Variants in TM9SF1 observed in about 807,000 individuals in gnomAD.
The protein encoded by TM9SF1 is transmembrane 9 superfamily member 1.
Under a neutral mutation model 52.4 loss-of-function variants are expected in TM9SF1, and 25 were observed. The ratio of observed to expected loss-of-function variants is 0.48; its 90% confidence interval spans 0.35 to 0.67. The LOEUF (loss-of-function observed/expected upper bound fraction) is 0.67. Among genes scored for constraint, TM9SF1 ranks in the 30% least tolerant of loss-of-function variants. TM9SF1 has a pLI of 0.01. For missense variants in TM9SF1, 604 were observed against 780.3 expected (o/e 0.77, Z 2.69); for synonymous variants, 284 against 299.8 (o/e 0.95, Z 0.55).
rs1341734588 is a variant in TM9SF1 at position 24,192,277 on chromosome 14, A to AT, written c.1046dup (p.Tyr349Ter). The AT allele has an allele frequency of 6.2e-7, 1 of 1,614,092 alleles. No individual in the cohort carries two copies. Among genetic ancestry groups the AT allele is most frequent in the Non-Finnish European group, 8.5e-7 (1 of 1,180,042 alleles). Residue 349 changes from tyrosine (Y) to a stop codon, truncating the protein, a stop_gained and frameshift_variant, in exon 4 of 6, where the codon TAT becomes TAAT. Coordinates refer to ENST00000261789, the MANE Select transcript of TM9SF1 (RefSeq NM_006405.7). LOFTEE classifies it high-confidence loss of function. This position sits in a 1 kb window ranked among gnomAD's most constrained non-coding sequence, Gnocchi z 4.0. ...GAINSAAILL[Y>*]ALTCCISGYV... is the part of the protein sequence containing the mutation. ...AGCCAGAGATGCAGCAGGTCAGGGC[A>AT]TACAACAAGATGGCTGCTGAGTTAA...
Position 24,194,985 on chromosome 14 carries a change from C to T in TM9SF1, c.35G>A (p.Cys12Tyr), listed in dbSNP as rs1166957583. The T allele has an allele frequency of 6.2e-7, 1 of 1,614,100 alleles. No homozygotes were observed. Among genetic ancestry groups the T allele is most frequent in the Middle Eastern group, 1.6e-4 (1 of 6,062 alleles). ...TVVGNPRSWS[C>Y]QWLPILILLL... Reference sequence around the variant, plus strand: ...CAGTATCAGGATTGGCAACCACTGGCAGCTCCAACTTCGAGGGTTCCCTAC... The same window carrying T: ...CAGTATCAGGATTGGCAACCACTGGTAGCTCCAACTTCGAGGGTTCCCTAC... The change falls in exon 2 of 6, where the codon TGC (cysteine) becomes TAC (tyrosine). Residue 12 changes from cysteine to tyrosine, a missense_variant. Cys to Tyr is a radical substitution (Grantham distance 194, BLOSUM62 -2). Around this residue, in one of 3 missense-constraint regions of TM9SF1, gnomAD observed 47 missense variants for 39.7 expected, o/e 1.18. Coordinates refer to ENST00000261789, the MANE Select transcript of TM9SF1 (RefSeq NM_006405.7).
chr14:24,190,257 A>G (rs1162456045), intron 5 of TM9SF1, 123 bp downstream of exon 5: 2 of 1,498,972 alleles, frequency 1.3e-6, no homozygotes, highest in Non-Finnish European at 1.8e-6. Flanking sequence ...CCATTTAATG[A>G]TCTCTGAATG....
rs540506837 is a variant in TM9SF1, at chr14:24,192,115, A to G, written c.1153+56T>C. ...GTGTGAGCCACTGTGACCAGCCACA[A>G]TGTGTTCTTCATTCCTAAGTCCAGA... On this transcript the variant is annotated intron_variant, in intron 4 of 5. Coordinates refer to ENST00000261789, the MANE Select transcript of TM9SF1 (RefSeq NM_006405.7). The surrounding 1 kb of genome is among the most constrained non-coding windows in gnomAD (Gnocchi z 4.0). 6.4e-6 allele frequency: 10 copies of G among 1,562,284 alleles called. No individual in the cohort carries two copies. The African/African-American group carries it at 1.1e-4, about 17-fold the overall frequency.
chr14:24,193,054 G>T lies in TM9SF1; in HGVS notation c.561C>A (p.His187Gln), dbSNP rs924688064. The T allele has an allele frequency of 6.2e-7, 1 of 1,614,212 alleles. No homozygotes were observed. Among genetic ancestry groups the T allele is most frequent in the Non-Finnish European group, 8.5e-7 (1 of 1,180,034 alleles). The change falls in exon 3 of 6, where the codon CAC becomes CAA. Residue 187 changes from histidine (H) to glutamine (Q), a missense_variant. This residue lies in a region of TM9SF1 where 450 missense variants were observed against 560.1 expected (regional missense o/e 0.80). Transcript: ENST00000261789. The part of the protein sequence containing the change: ...ANVSVRDVKP[H>Q]SLDGLRPDEF... ...CGTCAGGTCGTAACCCATCCAAGCT[G>T]TGGGGCTTGACGTCCCGCACTGAAA...
At position 24,193,025 on chromosome 14, in the gene TM9SF1, A is replaced by T; in HGVS notation, c.590T>A (p.Phe197Tyr). The change falls in exon 3 of 6, where the codon TTC (phenylalanine) becomes TAC (tyrosine). Residue 197 changes from phenylalanine (F) to tyrosine (Y), a missense_variant. Phe to Tyr is a conservative substitution (Grantham distance 22). This residue lies in a region of TM9SF1 where 450 missense variants were observed against 560.1 expected (regional missense o/e 0.80). Coordinates refer to ENST00000261789, the MANE Select transcript of TM9SF1 (RefSeq NM_006405.7). The stretch of plus-strand genomic sequence containing the variant: ...GCTATAAGTGTGGGTAAGGCCTAGG[A>T]ACTCGTCAGGTCGTAACCCATCCAA... ...HSLDGLRPDE[F>Y]LGLTHTYSVR... is the part of the protein sequence containing the mutation. The T allele has an allele frequency of 6.2e-7, 1 of 1,614,192 alleles. No individual in the cohort carries two copies.
At chr14:24,191,003 C>T (rs61672716) in intron 4 of TM9SF1, among the ~76,000 whole-genome samples, 1 of 151,872 alleles carries the variant, frequency 6.6e-6, no homozygotes, top group African/African-American at 2.4e-5. Context: ...GTAGCTAGGA[C>T]TACAGGCGCC....
At chr14:24,189,832 C>T in intron 5 of TM9SF1, 24 bp from the exon 6 acceptor site, 4 of 1,582,360 alleles carry the variant, frequency 2.5e-6, no homozygotes, top group Non-Finnish European at 3.4e-6. Flanking sequence ...AGATGATACA[C>T]AGCATTAAAG....
In TM9SF1 at chr14:24,192,413, T is replaced by A. The variant is rs2138832478; in HGVS notation, c.968-57A>T. 2.6e-6 allele frequency: 4 copies of A among 1,565,828 alleles called. No homozygotes were observed. In the East Asian group the frequency reaches 9.2e-5, roughly 36 times the overall value. ...GCCTCACCTGTGTCTCTTCTAGCAA[T>A]TTCAGAGGAATCAGCCCCCCTTCTC... On this transcript the variant is annotated intron_variant, in intron 3 of 5. Transcript: ENST00000261789. This position sits in a 1 kb window ranked among gnomAD's most constrained non-coding sequence, Gnocchi z 4.0.
chr14:24,193,738 G>A lies in TM9SF1; in HGVS notation c.346-469C>T, dbSNP rs563186910. Among the ~76,000 whole-genome samples the A allele has an allele frequency of 5.9e-3, 886 of 150,490 alleles. 5 individuals carry two copies. The highest frequency in any genetic ancestry group is 0.031 in the Middle Eastern group (9 of 294). On this transcript the variant is annotated intron_variant, in intron 2 of 5. Coordinates refer to ENST00000261789, the MANE Select transcript of TM9SF1 (RefSeq NM_006405.7). ...GATCGAGACCATCCTGGCTAACACG[G>A]TGAAACCCCGTCTCTACTAAAAATA...
Position 24,189,657 on chromosome 14 carries a change from C to T in TM9SF1, c.1579G>A (p.Glu527Lys). ...IALTYFQLSG[E>K]DYRWWWRSVL... ...GATCGCCACCACCAGCGGTAATCCTCCCCAGACAACTGGAAGTAGGTGAGT... is the reference window on the plus strand; with the variant it reads ...GATCGCCACCACCAGCGGTAATCCTTCCCAGACAACTGGAAGTAGGTGAGT... The change falls in exon 6 of 6, where the codon GAG becomes AAG. Residue 527 changes from glutamate (E) to lysine (K), a missense_variant. Glu to Lys is a moderately conservative substitution (Grantham distance 56). Around this residue, in one of 3 missense-constraint regions of TM9SF1, gnomAD observed 107 missense variants for 180.5 expected, o/e 0.59. Coordinates refer to ENST00000261789, the MANE Select transcript of TM9SF1 (RefSeq NM_006405.7). The T allele has an allele frequency of 1.2e-6, 2 of 1,614,188 alleles. No homozygotes were observed. The highest frequency in any genetic ancestry group is 1.7e-6 in the Non-Finnish European group (2 of 1,180,034).
chr14:24,189,219 A>G lies in TM9SF1; in HGVS notation c.*196T>C. On this transcript the variant is annotated 3_prime_UTR_variant, in exon 6 of 6. Transcript: ENST00000261789. ...AGGACCAAAACTAAAGGCAACTTAA[A>G]AAGTTCAAATATATAATCCTTATGT... 2 of 542,016 alleles carry G rather than the reference A, an allele frequency of 3.7e-6. No individual in the cohort carries two copies. Among genetic ancestry groups the G allele is most frequent in the Non-Finnish European group, 6.2e-6 (2 of 321,974 alleles). 33.6% of individuals were successfully genotyped at this position (542,016 alleles called of 1,614,324 possible). A position where few individuals can be genotyped will look rare whatever the true frequency, so the allele number is the denominator to read the frequency against.
chr14:24,192,081 G>T lies in TM9SF1; in HGVS notation c.1153+90C>A. On this transcript the variant is annotated intron_variant, in intron 4 of 5. Coordinates refer to ENST00000261789, the MANE Select transcript of TM9SF1 (RefSeq NM_006405.7). The surrounding 1 kb of genome is among the most constrained non-coding windows in gnomAD (Gnocchi z 4.0). The stretch of plus-strand genomic sequence containing the variant: ...CCGGCCTCGGTCTCCCAAAGTGCTA[G>T]GATTACAGGTGTGAGCCACTGTGAC... 7.4e-7 allele frequency: 1 copy of T among 1,352,786 alleles called. No homozygotes were observed. Among genetic ancestry groups the T allele is most frequent in the Non-Finnish European group, 1.1e-6 (1 of 951,370 alleles). The allele number at this position is 1,352,786 out of a possible 1,614,324, so 83.8% of individuals were successfully genotyped here.
Position 24,192,114 on chromosome 14 carries a change from A to G in TM9SF1, c.1153+57T>C. ...GGTGTGAGCCACTGTGACCAGCCAC[A>G]ATGTGTTCTTCATTCCTAAGTCCAG... On this transcript the variant is annotated intron_variant, in intron 4 of 5. Transcript: ENST00000261789. This position sits in a 1 kb window ranked among gnomAD's most constrained non-coding sequence, Gnocchi z 4.0. 1 of 1,559,466 alleles carries G rather than the reference A, an allele frequency of 6.4e-7. No homozygotes were observed. The highest frequency in any genetic ancestry group is 1.1e-5 in the South Asian group (1 of 89,708).
At chr14:24,191,135 G>A (rs1000173037) in intron 4 of TM9SF1, among the ~76,000 whole-genome samples, 2 of 152,118 alleles carry the variant, frequency 1.3e-5, no homozygotes, top group African/African-American at 4.8e-5. Context: ...AAAGTGCTGG[G>A]ATTACAGGCA....
At chr14:24,191,491 A>T (rs2039322500) in intron 4 of TM9SF1, among the ~76,000 whole-genome samples, 1 of 152,238 alleles carries the variant, frequency 6.6e-6, no homozygotes, top group Admixed American at 6.5e-5. Context: ...ATAAAAATTC[A>T]AGGGTGTTAT....
chr14:24,192,160 A>G lies in TM9SF1; in HGVS notation c.1153+11T>C. ...TCCAGAAAGGCCCACCAGGGAAAGG[A>G]AAGTCCTCACCAGAGAAGAGACTGG... On this transcript the variant is annotated intron_variant, in intron 4 of 5. Transcript: ENST00000261789. The surrounding 1 kb of genome is among the most constrained non-coding windows in gnomAD (Gnocchi z 4.0). 2.5e-6 allele frequency: 4 copies of G among 1,613,732 alleles called. No individual in the cohort carries two copies. Among genetic ancestry groups the G allele is most frequent in the African/African-American group, 1.3e-5 (1 of 75,048 alleles).
chr14:24,189,927 T>C (rs1182333206), intron 5 of TM9SF1, 119 bp from the exon 6 acceptor site: 1 of 1,435,950 alleles, frequency 7.0e-7, no homozygotes. Context: ...AAAAGTGAGT[T>C]CACTCCACTC....
Position 24,189,411 on chromosome 14 carries a change from G to C in TM9SF1, c.*4C>G, listed in dbSNP as rs1329495247. Reference sequence around the variant, plus strand: ...AGAACAGCAATAGTTCTGCCATACAGAACTCAGTCCATCTTGAGGTTAACA... The same window carrying C: ...AGAACAGCAATAGTTCTGCCATACACAACTCAGTCCATCTTGAGGTTAACA... On this transcript the variant is annotated 3_prime_UTR_variant, in exon 6 of 6. Coordinates refer to ENST00000261789, the MANE Select transcript of TM9SF1 (RefSeq NM_006405.7). The C allele has an allele frequency of 6.2e-7, 1 of 1,610,034 alleles. No homozygotes were observed. The highest frequency in any genetic ancestry group is 1.3e-5 in the African/African-American group (1 of 74,630).
At chr14:24,190,693 A>G in intron 4 of TM9SF1, 40 bp from the exon 5 acceptor site, 1 of 1,558,354 alleles carries the variant, frequency 6.4e-7, no homozygotes, top group Non-Finnish European at 8.7e-7. Context: ...CAACACTAGG[A>G]GCTACATCTC....
Sources: allele counts gnomAD v4.1 joint callset (sites outside exome capture counted in the v4.1 genomes callset), GRCh38; gene constraint gnomAD v4.1.1; regional missense constraint gnomAD v4.1.1; non-coding constraint Gnocchi (gnomAD v3.1); transcripts MANE v1.5; gene names NCBI Gene and HGNC (gene_info 2026-07-23, HGNC 2026-07-21).